The following PASD1 variants were observed in gnomAD, a reference collection of about 807,000 sequenced individuals.
PASD1 encodes the protein circadian clock protein PASD1.
In PASD1, 13 loss-of-function variants were observed where a neutral mutation model predicts 58.8. The ratio of observed to expected loss-of-function variants is 0.22; its 90% CI spans 0.14 to 0.35. The LOEUF is 0.35. Among genes scored for constraint, PASD1 ranks in the 10% least tolerant of loss-of-function variants. PASD1 has a pLI of 1.00. For synonymous variants in PASD1, 236 were observed against 216.7 expected (o/e 1.09, Z -0.78); for missense variants, 734 against 568.3 (o/e 1.29, Z -2.96).
At chrX:151,569,815 T>G (rs2012901362) in intron 1 of PASD1, among the ~76,000 whole-genome samples, 1 of 110,146 alleles carries the variant, frequency 9.1e-6, no homozygotes, top group Admixed American at 9.7e-5. Flanking sequence ...TAGAGATAAT[T>G]TTAAGTGAGG....
intron 9 of PASD1, 49 bp downstream of exon 9, chrX:151,648,751 T>C (rs2014094942): frequency 8.7e-7 from 1 of 1,155,495 alleles, no homozygotes; most frequent in Admixed American, 2.2e-5. Context: ...CTTATCCGTG[T>C]GATGTTGATT....
At chrX:151,587,326 GT>G (rs2013180693) in intron 1 of PASD1, among the ~76,000 whole-genome samples, 1 of 107,632 alleles carries the variant, frequency 9.3e-6, no homozygotes, top group South Asian at 4.2e-4. Flanking sequence ...ATTTTTACAG[GT>G]AAGACTCAGC....
chrX:151,598,995 G>A (rs1471109503), intron 1 of PASD1, among the ~76,000 whole-genome samples: 1 of 111,315 alleles, frequency 9.0e-6, no homozygotes, highest in African/African-American at 3.3e-5. Context: ...GTGTCCCTGG[G>A]TACTTGAGAT....
At chrX:151,602,260 T>C (rs2013427196) in intron 2 of PASD1, among the ~76,000 whole-genome samples, 1 of 111,860 alleles carries the variant, frequency 8.9e-6, no homozygotes, top group Non-Finnish European at 1.9e-5. Flanking sequence ...TTGTCCAACA[T>C]CTCCCCACTC....
intron 1 of PASD1, among the ~76,000 whole-genome samples, chrX:151,565,918 A>G (rs926389159): frequency 8.9e-6 from 1 of 112,134 alleles, no homozygotes; most frequent in African/African-American, 3.2e-5. Context: ...TAATTCACAG[A>G]TACCCAGTTT....
chrX:151,582,177 G>C (rs767847588), intron 1 of PASD1, among the ~76,000 whole-genome samples: 13 of 109,488 alleles, frequency 1.2e-4, no homozygotes, highest in Non-Finnish European at 2.5e-4. Context: ...TAGTAGAGAC[G>C]GGGTTTCACC....
chrX:151,582,759 C>T (rs1254675274), intron 1 of PASD1, among the ~76,000 whole-genome samples: 4 of 111,309 alleles, frequency 3.6e-5, no homozygotes, highest in South Asian at 3.9e-4. Context: ...ATTCAAATCC[C>T]GTGTCTTAGC....
intron 14 of PASD1, 60 bp from the exon 15 acceptor site, chrX:151,673,868 G>A: frequency 8.5e-7 from 1 of 1,177,943 alleles, no homozygotes; most frequent in Non-Finnish European, 1.2e-6. Flanking sequence ...GACCACGTGA[G>A]TGTCTCATCA....
chrX:151,643,926 G>A (rs1191386307), intron 8 of PASD1, among the ~76,000 whole-genome samples: 10 of 112,236 alleles, frequency 8.9e-5, no homozygotes, highest in Non-Finnish European at 1.9e-4. Flanking sequence ...TAGGAACTTG[G>A]TAAATGATAG....
chrX:151,657,394 C>T (rs878911417), intron 9 of PASD1, among the ~76,000 whole-genome samples: 1 of 111,737 alleles, frequency 8.9e-6, no homozygotes, highest in African/African-American at 3.3e-5. Context: ...AGGGAGGATT[C>T]CCTCTTTTCC....
chrX:151,608,638 C>T (rs2013515353), intron 3 of PASD1, among the ~76,000 whole-genome samples: 1 of 111,196 alleles, frequency 9.0e-6, no homozygotes, highest in South Asian at 3.8e-4. Flanking sequence ...AAAGCTTTAA[C>T]GTTTTATCTA....
intron 1 of PASD1, among the ~76,000 whole-genome samples, chrX:151,599,942 G>A (rs767073223): frequency 2.2e-4 from 25 of 111,847 alleles, no homozygotes; most frequent in South Asian, 1.1e-3. Context: ...GTAGCGAGCC[G>A]AGATCACGCC....
chrX:151,608,970 G>A (rs1161281033), intron 3 of PASD1, among the ~76,000 whole-genome samples: 1 of 111,337 alleles, frequency 9.0e-6, no homozygotes. Context: ...GAGGTTTGTC[G>A]ATTTTAATGT....
In PASD1 at chrX:151,604,255, TTTAG is replaced by T. The variant is rs2013457363; in HGVS notation, c.29-386_29-383del. ...GAAGCTAAAGAGTGGAATTTCATAA[TTTAG>T]TTAGGACTAGGGAAGGGCTTTGGGA... On this transcript the variant is annotated intron_variant, in intron 2 of 15. Coordinates refer to ENST00000370357, the MANE Select transcript of PASD1 (RefSeq NM_173493.3). 3.6e-5 allele frequency among the ~76,000 whole-genome samples: 4 copies of T among 112,044 alleles called. No homozygotes were observed. The South Asian group carries it at 1.5e-3, about 42-fold the overall frequency.
At chrX:151,581,727 C>G (rs1306665450) in intron 1 of PASD1, among the ~76,000 whole-genome samples, 1 of 110,658 alleles carries the variant, frequency 9.0e-6, no homozygotes, top group Non-Finnish European at 1.9e-5. Flanking sequence ...CATATTAGAA[C>G]TTGGGGACAA....
At chrX:151,662,699 C>A (rs1465124339) in intron 10 of PASD1, among the ~76,000 whole-genome samples, 1 of 112,111 alleles carries the variant, frequency 8.9e-6, no homozygotes, top group Non-Finnish European at 1.9e-5. Context: ...TTCATTCTAG[C>A]CTTTTCTGTC....
At chrX:151,644,245 C>T (rs927734817) in intron 8 of PASD1, among the ~76,000 whole-genome samples, 9 of 112,272 alleles carry the variant, frequency 8.0e-5, no homozygotes, top group Non-Finnish European at 1.5e-4. Context: ...ATTTTGTATT[C>T]GGAAGGATCA....
At chrX:151,569,771 C>G (rs948705459) in intron 1 of PASD1, among the ~76,000 whole-genome samples, 29 of 110,501 alleles carry the variant, frequency 2.6e-4, no homozygotes, top group African/African-American at 8.6e-4. Context: ...GGGAGAGGGG[C>G]TCTGGCATCA....
intron 1 of PASD1, among the ~76,000 whole-genome samples, chrX:151,565,682 C>T (rs1440281782): frequency 1.8e-5 from 2 of 109,125 alleles, no homozygotes; most frequent in Middle Eastern, 4.3e-3. Flanking sequence ...CTCAGCCTGC[C>T]AAGTAGCTGG....
Sources: allele counts gnomAD v4.1 joint callset (sites outside exome capture counted in the v4.1 genomes callset), GRCh38; gene constraint gnomAD v4.1.1; transcripts MANE v1.5; gene names NCBI Gene and HGNC (gene_info 2026-07-23, HGNC 2026-07-21).